The following CYP4Z1 variants were observed in gnomAD, a reference collection of about 807,000 sequenced individuals.
The protein encoded by CYP4Z1 is cytochrome P450 family 4 subfamily Z member 1.
CYP4Z1 carries 41 observed loss-of-function variants against 54.2 expected under a neutral mutation model. The observed-to-expected ratio is 0.76, with a 90% CI of 0.59 to 0.98. The LOEUF is 0.98. Among genes scored for constraint, CYP4Z1 ranks in the 50% least tolerant of loss-of-function variants. The pLI is 0.00. For synonymous variants in CYP4Z1, 163 were observed against 206.2 expected (o/e 0.79, Z 1.79); for missense variants, 513 against 599.0 (o/e 0.86, Z 1.50).
intron 8 of CYP4Z1, among the ~76,000 whole-genome samples, chr1:47,101,787 C>G (rs1325036120): frequency 6.6e-6 from 1 of 151,958 alleles, no homozygotes; most frequent in Non-Finnish European, 1.5e-5. Context: ...CAATTTAAAT[C>G]CAATGTTTCT....
At chr1:47,099,438 T>G (rs1196587992) in intron 8 of CYP4Z1, among the ~76,000 whole-genome samples, 154 bp downstream of exon 8, 1 of 152,156 alleles carries the variant, frequency 6.6e-6, no homozygotes, top group Non-Finnish European at 1.5e-5. Flanking sequence ...ATTTAAAGAT[T>G]ATCACTAGTT....
chr1:47,087,506 G>A (rs1246784406), intron 6 of CYP4Z1, among the ~76,000 whole-genome samples: 5 of 152,108 alleles, frequency 3.3e-5, no homozygotes, highest in Admixed American at 3.3e-4. Context: ...GTCTGTTATT[G>A]GTGTATAAGA....
At chr1:47,077,391 C>T (rs1306009635) in intron 2 of CYP4Z1, among the ~76,000 whole-genome samples, 1 of 152,110 alleles carries the variant, frequency 6.6e-6, no homozygotes, top group Non-Finnish European at 1.5e-5. Flanking sequence ...ACCCAGCTCT[C>T]TTTTCCTTAC....
At position 47,067,334 on chromosome 1, in the gene CYP4Z1, T is replaced by C. The variant is rs1034930324; in HGVS notation, c.-157T>C. 6.6e-6 allele frequency among the ~76,000 whole-genome samples: 1 copy of C among 152,176 alleles called. No homozygotes were observed. Among genetic ancestry groups the C allele is most frequent in the Non-Finnish European group, 1.5e-5 (1 of 68,014 alleles). Reference sequence around the variant, plus strand: ...TCTCAGCAGTTTTCACCCTGCAGACTTAATTAGGCTTCCTCTTCCTTATGT... The same window carrying C: ...TCTCAGCAGTTTTCACCCTGCAGACCTAATTAGGCTTCCTCTTCCTTATGT... On this transcript the variant is annotated 5_prime_UTR_variant, in exon 1 of 12. Coordinates refer to ENST00000334194, the MANE Select transcript of CYP4Z1 (RefSeq NM_178134.3).
At chr1:47,075,454 TG>T (rs1346186193) in intron 2 of CYP4Z1, 1 of 91,614 alleles carries the variant, frequency 1.1e-5, no homozygotes, top group Non-Finnish European at 1.8e-5. Context: ...TGTGGAAATA[TG>T]GGGGGTTGGG....
chr1:47,109,724 G>A (rs958766083), intron 9 of CYP4Z1, among the ~76,000 whole-genome samples: 1 of 152,192 alleles, frequency 6.6e-6, no homozygotes, highest in Non-Finnish European at 1.5e-5. Context: ...AGAAATTGGA[G>A]TTAGGAAGAC....
chr1:47,107,636 GT>G (rs368732557), intron 9 of CYP4Z1, among the ~76,000 whole-genome samples: 187 of 151,466 alleles, frequency 1.2e-3, no homozygotes, highest in African/African-American at 4.2e-3. Context: ...ATAAGCTCTG[GT>G]TTTTTTCAAC....
chr1:47,065,723 A>C (rs1343688499), upstream of CYP4Z1, among the ~76,000 whole-genome samples: 1 of 152,154 alleles, frequency 6.6e-6, no homozygotes, highest in Non-Finnish European at 1.5e-5. Context: ...AATACAAAAA[A>C]TAAATGAAAT....
chr1:47,105,919 G>A (rs948124974), intron 8 of CYP4Z1, among the ~76,000 whole-genome samples: 1 of 48,194 alleles, frequency 2.1e-5, no homozygotes, highest in African/African-American at 1.1e-4. Flanking sequence ...CTATATCTGC[G>A]GGGGGGGGAG....
chr1:47,060,985 C>A, the CYP4Z1 span, among the ~76,000 whole-genome samples: 1 of 151,842 alleles, frequency 6.6e-6, no homozygotes, highest in African/African-American at 2.4e-5. Context: ...AGGAAGAAAT[C>A]AAGTTCTTTG....
intron 1 of CYP4Z1, 34 bp from the exon 2 acceptor site, chr1:47,068,588 C>T: frequency 1.2e-6 from 2 of 1,610,274 alleles, no homozygotes; most frequent in South Asian, 1.1e-5. Flanking sequence ...GGGTGACAAC[C>T]TTTACTAACC....
chr1:47,117,804 A>C lies in CYP4Z1; in HGVS notation c.1388A>C (p.Lys463Thr), dbSNP rs753850057. ...IGQHFAIIEC[K>T]VAVALTLLRF... ...CAGCATTTTGCCATAATTGAGTGTA[A>C]AGTGGCAGTGGCATTAACTCTGCTC... The change falls in exon 12 of 12, where the codon AAA (lysine) becomes ACA (threonine). Residue 463 changes from lysine to threonine, a missense_variant. By Grantham distance (78) the Lys-to-Thr change is moderately conservative. Coordinates refer to ENST00000334194, the MANE Select transcript of CYP4Z1 (RefSeq NM_178134.3). The C allele has an allele frequency of 1.2e-6, 2 of 1,613,616 alleles. No homozygotes were observed. The highest frequency in any genetic ancestry group is 1.7e-6 in the Non-Finnish European group (2 of 1,179,746).
chr1:47,097,132 C>A (rs566783427), intron 7 of CYP4Z1: 1 of 152,134 alleles, frequency 6.6e-6, no homozygotes, highest in African/African-American at 2.4e-5. Flanking sequence ...TCCCTGCAAA[C>A]GACATGATCT....
At chr1:47,080,137 A>G (rs1644552849) in intron 2 of CYP4Z1, among the ~76,000 whole-genome samples, 1 of 126,184 alleles carries the variant, frequency 7.9e-6, no homozygotes, top group Non-Finnish European at 1.6e-5. Flanking sequence ...TGTAAAACCA[A>G]GGTTATGTCC....
At chr1:47,114,938 A>G (rs558834737) in intron 9 of CYP4Z1, among the ~76,000 whole-genome samples, 3 of 152,332 alleles carry the variant, frequency 2.0e-5, no homozygotes, top group African/African-American at 7.2e-5. Flanking sequence ...CAGCCATCCC[A>G]TTACTAGGTA....
intron 1 of CYP4Z1, among the ~76,000 whole-genome samples, chr1:47,068,336 A>G (rs1418416051): frequency 6.6e-6 from 1 of 152,206 alleles, no homozygotes; most frequent in Non-Finnish European, 1.5e-5. Context: ...TGACCTAGAT[A>G]ATGAATAAGT....
intron 7 of CYP4Z1, among the ~76,000 whole-genome samples, chr1:47,094,974 ATAAG>A (rs1310695841): frequency 6.6e-6 from 1 of 152,154 alleles, no homozygotes; most frequent in African/African-American, 2.4e-5. Flanking sequence ...AAATAAATAA[ATAAG>A]TAAAATTAAA....
At chr1:47,088,955 A>G (rs1644617939) in intron 6 of CYP4Z1, among the ~76,000 whole-genome samples, 1 of 148,848 alleles carries the variant, frequency 6.7e-6, no homozygotes, top group African/African-American at 2.6e-5. Flanking sequence ...ATTTATTTAG[A>G]TTTTGCTTAT....
chr1:47,092,009 A>G (rs1644641700), intron 6 of CYP4Z1, among the ~76,000 whole-genome samples: 1 of 151,970 alleles, frequency 6.6e-6, no homozygotes, highest in African/African-American at 2.4e-5. Flanking sequence ...CTGTAATAGC[A>G]GTTTGAGCCA....
Sources: allele counts gnomAD v4.1 joint callset (sites outside exome capture counted in the v4.1 genomes callset), GRCh38; gene constraint gnomAD v4.1.1; transcripts MANE v1.5; gene names NCBI Gene and HGNC (gene_info 2026-07-23, HGNC 2026-07-21).